VAV2: variants seen among roughly 807,000 people sequenced by gnomAD.
The protein encoded by VAV2 is vav guanine nucleotide exchange factor 2, also known as guanine nucleotide exchange factor VAV2.
In VAV2, 67 loss-of-function variants were observed where a neutral mutation model predicts 132.5. The ratio of observed to expected loss-of-function variants is 0.51; its 90% confidence interval spans 0.42 to 0.62. VAV2 has a LOEUF of 0.62. VAV2 is among the 20% of genes least tolerant of loss of function. The pLI is 0.00. For missense variants in VAV2, 938 were observed against 1,153.6 expected, an observed-to-expected ratio of 0.81 and a Z score of 2.71; for synonymous variants, 492 against 443.5, an observed-to-expected ratio of 1.11 and a Z score of -1.37.
rs146859816 is a variant in VAV2, at chr9:133,841,822, A to G, written c.381-7482T>C. Among the ~76,000 whole-genome samples the G allele has an allele frequency of 5.9e-5, 9 of 152,326 alleles. No individual in the cohort carries two copies. The East Asian group carries it at 1.7e-3, about 29-fold the overall frequency. On this transcript the variant is annotated intron_variant, in intron 3 of 29. Coordinates refer to ENST00000371850, the MANE Select transcript of VAV2 (RefSeq NM_001134398.2). ...TTGCTAAGACCAAGGGAGATGGTGC[A>G]TAAGCCTCCTAGTGAGCATCCTGCA...
intron 3 of VAV2, among the ~76,000 whole-genome samples, chr9:133,855,867 G>A (rs1441754029): frequency 6.6e-6 from 1 of 152,194 alleles, no homozygotes; most frequent in African/African-American, 2.4e-5. Context: ...AGCCGTCACA[G>A]CAATGCTAGT....
intron 1 of VAV2, among the ~76,000 whole-genome samples, chr9:133,988,383 G>A (rs1407994097): frequency 1.3e-5 from 2 of 152,206 alleles, no homozygotes; most frequent in Non-Finnish European, 2.9e-5. Context: ...TCCTGGGAGG[G>A]AGACTGCAAT....
At chr9:133,864,220 G>C (rs192858806) in intron 2 of VAV2, among the ~76,000 whole-genome samples, 1 of 144,006 alleles carries the variant, frequency 6.9e-6, no homozygotes, top group South Asian at 2.1e-4. Flanking sequence ...AGACAGCCGC[G>C]GGGCAGGAGG....
chr9:133,963,408 G>A (rs759958202), intron 1 of VAV2, among the ~76,000 whole-genome samples: 8 of 152,194 alleles, frequency 5.3e-5, no homozygotes, highest in Non-Finnish European at 1.0e-4. Flanking sequence ...AGACGGTGCA[G>A]CCTGTCCTCA....
intron 17 of VAV2, among the ~76,000 whole-genome samples, chr9:133,785,306 TTC>T (rs1588170673): frequency 6.6e-6 from 1 of 152,354 alleles, no homozygotes; most frequent in Middle Eastern, 3.4e-3. Flanking sequence ...TTCATCATCT[TTC>T]TCTGTTTCAC....
At chr9:133,886,917 C>T (rs1463643172) in intron 2 of VAV2, among the ~76,000 whole-genome samples, 1 of 152,234 alleles carries the variant, frequency 6.6e-6, no homozygotes, top group African/African-American at 2.4e-5. Flanking sequence ...CCAAGATGCA[C>T]AGGAGGCCCA....
chr9:133,829,084 G>A (rs1836163615), intron 4 of VAV2, among the ~76,000 whole-genome samples: 1 of 152,196 alleles, frequency 6.6e-6, no homozygotes, highest in South Asian at 2.1e-4. Flanking sequence ...GAGCCCCCCA[G>A]TGCAGGCATC....
Position 133,987,271 on chromosome 9 carries a change from A to G in VAV2, c.204+4804T>C, listed in dbSNP as rs188366412. 7.5e-3 allele frequency among the ~76,000 whole-genome samples: 1,145 copies of G among 152,144 alleles called. 7 individuals are homozygous for G. Among genetic ancestry groups the G allele is most frequent in the Middle Eastern group, 0.034 (10 of 292 alleles). On this transcript the variant is annotated intron_variant, in intron 1 of 29. Coordinates refer to ENST00000371850, the MANE Select transcript of VAV2 (RefSeq NM_001134398.2). Reference sequence around the variant, plus strand: ...AAGGGTATCGTGTGATGAAACAAAGAGTTTCATTACACGAGGCCAGAGAGA... The same window carrying G: ...AAGGGTATCGTGTGATGAAACAAAGGGTTTCATTACACGAGGCCAGAGAGA...
Position 133,867,124 on chromosome 9 carries a change from C to T in VAV2, c.322-5692G>A, listed in dbSNP as rs370185046. On this transcript the variant is annotated intron_variant, in intron 2 of 29. Coordinates refer to ENST00000371850, the MANE Select transcript of VAV2 (RefSeq NM_001134398.2). ...CGCCCGTGAGTGCCGAGTGAGGACA[C>T]GGCCATGGGTCTGCTGAGGGTCCCG... 8.7e-4 allele frequency among the ~76,000 whole-genome samples: 133 copies of T among 152,232 alleles called. 2 individuals are homozygous for T. The South Asian group carries it at 0.023, about 27-fold the overall frequency.
chr9:133,802,424 C>CG lies in VAV2; in HGVS notation c.836+3656dup, dbSNP rs1391998980. ...AGCCTCCCCCTCCCCCGCCCCACTC[C>CG]GGCTGACTCCTCCCCTGGAGAAAGT... On this transcript the variant is annotated intron_variant, in intron 9 of 29. Coordinates refer to ENST00000371850, the MANE Select transcript of VAV2 (RefSeq NM_001134398.2). The surrounding 1 kb of genome is among the most constrained non-coding windows in gnomAD (Gnocchi z 5.8). 6.6e-6 allele frequency among the ~76,000 whole-genome samples: 1 copy of CG among 151,584 alleles called. No individual in the cohort carries two copies. Among genetic ancestry groups the CG allele is most frequent in the Non-Finnish European group, 1.5e-5 (1 of 67,870 alleles).
intron 6 of VAV2, among the ~76,000 whole-genome samples, 162 bp downstream of exon 6, chr9:133,810,029 C>T (rs1282581628): frequency 2.0e-5 from 3 of 151,794 alleles, no homozygotes; most frequent in African/African-American, 4.9e-5. Flanking sequence ...TACAGGACCA[C>T]GGGGGTGCCG....
chr9:133,844,887 G>T (rs1226578503), intron 3 of VAV2, among the ~76,000 whole-genome samples: 1 of 152,246 alleles, frequency 6.6e-6, no homozygotes, highest in Non-Finnish European at 1.5e-5. Context: ...GTGCCCGACG[G>T]TGCCCATGAG....
intron 19 of VAV2, among the ~76,000 whole-genome samples, chr9:133,782,237 T>C (rs891050806): frequency 2.0e-5 from 3 of 152,182 alleles, no homozygotes; most frequent in East Asian, 1.9e-4. Context: ...TCTTTTTTTT[T>C]CCTCCAAATT....
Position 133,768,685 on chromosome 9 carries a change from C to T in VAV2, c.2435-89G>A, listed in dbSNP as rs996311247. Reference sequence around the variant, plus strand: ...CCCTTGGGCCAAGCTGGGTCTCTCCCCTGGTGCCCAGAACCCTGCTCTGTA... The same window carrying T: ...CCCTTGGGCCAAGCTGGGTCTCTCCTCTGGTGCCCAGAACCCTGCTCTGTA... On this transcript the variant is annotated intron_variant, in intron 28 of 29. Coordinates refer to ENST00000371850, the MANE Select transcript of VAV2 (RefSeq NM_001134398.2). This position sits in a 1 kb window ranked among gnomAD's most constrained non-coding sequence, Gnocchi z 5.3. 7.4e-6 allele frequency: 11 copies of T among 1,492,984 alleles called. No homozygotes were observed. The highest frequency in any genetic ancestry group is 1.3e-5 in the South Asian group (1 of 77,092). The allele number at this position is 1,492,984 out of a possible 1,614,324, so 92.5% of individuals were successfully genotyped here. A position where few individuals can be genotyped will look rare whatever the true frequency, so the allele number is the denominator to read the frequency against.
intron 2 of VAV2, among the ~76,000 whole-genome samples, chr9:133,937,039 C>T (rs780731771): frequency 1.3e-5 from 2 of 152,192 alleles, no homozygotes; most frequent in African/African-American, 2.4e-5. Flanking sequence ...CACTGCATTC[C>T]GCCATAGCAA....
At chr9:133,947,519 G>A (rs1564490278) in intron 1 of VAV2, among the ~76,000 whole-genome samples, 7 of 152,062 alleles carry the variant, frequency 4.6e-5, no homozygotes, top group Admixed American at 2.0e-4. Flanking sequence ...GACCAACATG[G>A]TGAAACCTCG....
intron 1 of VAV2, among the ~76,000 whole-genome samples, chr9:133,959,360 C>T (rs1309467166): frequency 1.3e-5 from 2 of 152,266 alleles, no homozygotes; most frequent in East Asian, 1.9e-4. Flanking sequence ...GCTTCCCCAA[C>T]GGTGACCTCC....
chr9:133,990,755 C>T (rs941669360), intron 1 of VAV2, among the ~76,000 whole-genome samples: 2 of 152,188 alleles, frequency 1.3e-5, no homozygotes, highest in Non-Finnish European at 2.9e-5. Flanking sequence ...CCGGGGAAGC[C>T]CTCTGCAGCA....
In VAV2 at chr9:133,769,418, T is replaced by C; in HGVS notation, c.2433A>G (p.Ser811=). Residue 811 remains serine (S), a splice_region_variant and synonymous_variant, in exon 28 of 30, where the codon TCA becomes TCG. Coordinates refer to ENST00000371850, the MANE Select transcript of VAV2 (RefSeq NM_001134398.2). This position sits in a 1 kb window ranked among gnomAD's most constrained non-coding sequence, Gnocchi z 8.1. ...CCACGCCCTGGGGAGCAGCGGTACC[T>C]GACCAGAAGGGAGCGGAGGGGCCCT... is the stretch of plus-strand genomic sequence containing the variant. The part of the protein sequence containing the change: ...ASQGPSAPFW[S]VFTPRVIGTA... 5 of 1,611,212 alleles carry C rather than the reference T, an allele frequency of 3.1e-6. No individual in the cohort carries two copies. Among genetic ancestry groups the C allele is most frequent in the South Asian group, 1.1e-5 (1 of 90,310 alleles).
Sources: gnomAD v4.1 joint callset for allele counts (sites outside exome capture counted in the v4.1 genomes callset) on GRCh38, gnomAD v4.1.1 for gene constraint, Gnocchi (gnomAD v3.1) non-coding constraint, MANE v1.5 for transcripts, NCBI Gene and HGNC (gene_info 2026-07-23, HGNC 2026-07-21) for gene names.